KIAA1549: variants seen among roughly 807,000 people sequenced by gnomAD.
KIAA1549 encodes the protein UPF0606 protein KIAA1549.
Under a neutral mutation model 156.4 loss-of-function variants are expected in KIAA1549, and 70 were observed. That is an observed-to-expected ratio of 0.45 (90% confidence interval 0.37 to 0.55). The LOEUF (loss-of-function observed/expected upper bound fraction) is 0.55, where lower values mean the gene tolerates loss of function less well. KIAA1549 is among the 20% of genes least tolerant of loss of function. KIAA1549 has a pLI of 0.00. For synonymous variants in KIAA1549, 1,103 were observed against 1,066.4 expected (o/e 1.03, Z -0.67); for missense variants, 2,428 against 2,540.9 (o/e 0.96, Z 0.96).
intron 1 of KIAA1549, among the ~76,000 whole-genome samples, chr7:138,940,481 G>A (rs1471744713): frequency 1.3e-5 from 2 of 150,860 alleles, no homozygotes; most frequent in Admixed American, 1.3e-4. Context: ...ACATACGTGT[G>A]CATGTGTCTT....
intron 1 of KIAA1549, among the ~76,000 whole-genome samples, chr7:138,928,517 C>T (rs1452892624): frequency 6.6e-6 from 1 of 152,020 alleles, no homozygotes; most frequent in Non-Finnish European, 1.5e-5. Context: ...AAACTCCTGA[C>T]CTCAGGTGAT....
intron 1 of KIAA1549, among the ~76,000 whole-genome samples, chr7:138,962,020 G>A (rs1046105584): frequency 6.6e-6 from 1 of 151,970 alleles, no homozygotes; most frequent in Admixed American, 6.6e-5. Context: ...TGGAAGAGGC[G>A]CCATTCTCCC....
intron 1 of KIAA1549, among the ~76,000 whole-genome samples, chr7:138,959,166 C>A (rs1813761705): frequency 6.6e-6 from 1 of 152,198 alleles, no homozygotes; most frequent in African/African-American, 2.4e-5. Flanking sequence ...TCCCAAAGTG[C>A]TGAGACAAAA....
chr7:138,960,753 G>T (rs1448086270), intron 1 of KIAA1549, among the ~76,000 whole-genome samples: 1 of 151,640 alleles, frequency 6.6e-6, no homozygotes, highest in Non-Finnish European at 1.5e-5. Flanking sequence ...GAGTAAAACT[G>T]CTCTCTCCAT....
At chr7:138,965,101 A>G (rs1036784712) in intron 1 of KIAA1549, among the ~76,000 whole-genome samples, 1 of 151,846 alleles carries the variant, frequency 6.6e-6, no homozygotes, top group Non-Finnish European at 1.5e-5. Flanking sequence ...AGGCAGGAGC[A>G]GAGGAATTAC....
chr7:138,840,452 C>T (rs1485280928), intron 18 of KIAA1549, among the ~76,000 whole-genome samples, 174 bp from the exon 19 acceptor site: 2 of 151,998 alleles, frequency 1.3e-5, no homozygotes, highest in African/African-American at 4.8e-5. Flanking sequence ...GCCATACTGT[C>T]AGCATTTCCT....
intron 17 of KIAA1549, among the ~76,000 whole-genome samples, chr7:138,847,662 A>G (rs1190288906): frequency 3.9e-5 from 6 of 152,190 alleles, no homozygotes; most frequent in Admixed American, 6.5e-5. Context: ...GTAATGCACA[A>G]TATTTAGAAT....
intron 1 of KIAA1549, among the ~76,000 whole-genome samples, chr7:138,933,246 G>A (rs1314636845): frequency 6.6e-6 from 1 of 152,220 alleles, no homozygotes; most frequent in Admixed American, 6.5e-5. Context: ...TGAGATGAGA[G>A]AGAAGAATCA....
intron 1 of KIAA1549, among the ~76,000 whole-genome samples, chr7:138,938,717 T>A (rs1813088709): frequency 6.6e-6 from 1 of 152,262 alleles, no homozygotes; most frequent in Non-Finnish European, 1.5e-5. Context: ...ATAAATTGTT[T>A]AAATGCTGCC....
At chr7:138,885,140 A>G (rs1487457911) in intron 10 of KIAA1549, among the ~76,000 whole-genome samples, 2 of 152,204 alleles carry the variant, frequency 1.3e-5, no homozygotes, top group Non-Finnish European at 2.9e-5. Flanking sequence ...GGTTGTGGTG[A>G]GCTGAGATCG....
At position 138,955,721 on chromosome 7, in the gene KIAA1549, A is replaced by G. The variant is rs1006148932; in HGVS notation, c.187+25362T>C. Among the ~76,000 whole-genome samples, 17 of 152,380 alleles carry G rather than the reference A, an allele frequency of 1.1e-4. No homozygotes were observed. The South Asian group carries it at 2.7e-3, about 24-fold the overall frequency. On this transcript the variant is annotated intron_variant, in intron 1 of 19. Coordinates refer to ENST00000422774, the MANE Select transcript of KIAA1549 (RefSeq NM_001164665.2). ...GGAAGATGCATATCAAACTGTTTAT[A>G]TAATAGTTATTGTTAGGTGGCAGAA...
intron 17 of KIAA1549, among the ~76,000 whole-genome samples, chr7:138,850,718 G>A (rs1810210705): frequency 6.6e-6 from 1 of 152,166 alleles, no homozygotes; most frequent in Non-Finnish European, 1.5e-5. Context: ...GATCCCATAT[G>A]TCAATTTTTG....
chr7:138,917,866 C>A lies in KIAA1549; in HGVS notation c.1760G>T (p.Ser587Ile). ...AACCAGACTATAAGGCGTAAAAACACTCGGGTCTCTGACGGCAAGCGACGG... is the reference window on the plus strand; with the variant it reads ...AACCAGACTATAAGGCGTAAAAACAATCGGGTCTCTGACGGCAAGCGACGG... ...NTPSLAVRDP[S>I]VFTPYSLVPS... The change falls in exon 2 of 20, where the codon AGT (serine) becomes ATT (isoleucine). Residue 587 changes from serine to isoleucine, a missense_variant. Coordinates refer to ENST00000422774, the MANE Select transcript of KIAA1549 (RefSeq NM_001164665.2). 1 of 1,604,718 alleles carries A rather than the reference C, an allele frequency of 6.2e-7. No homozygotes were observed. The highest frequency in any genetic ancestry group is 1.3e-5 in the African/African-American group (1 of 74,830).
intron 9 of KIAA1549, among the ~76,000 whole-genome samples, chr7:138,895,142 C>G (rs184778135): frequency 6.6e-6 from 1 of 152,308 alleles, no homozygotes; most frequent in East Asian, 1.9e-4. Flanking sequence ...CATGAACAAG[C>G]GAAATCCCTT....
At chr7:138,878,218 G>A (rs1211340751) in intron 12 of KIAA1549, among the ~76,000 whole-genome samples, 1 of 152,204 alleles carries the variant, frequency 6.6e-6, no homozygotes, top group Non-Finnish European at 1.5e-5. Flanking sequence ...AGCCCCACAG[G>A]AGCCTTGAAG....
At chr7:138,946,770 T>C (rs919871734) in intron 1 of KIAA1549, among the ~76,000 whole-genome samples, 2 of 152,158 alleles carry the variant, frequency 1.3e-5, no homozygotes, top group Middle Eastern at 3.2e-3. Flanking sequence ...TGGAGGCATC[T>C]AGAGACCCCC....
intron 10 of KIAA1549, 136 bp from the exon 11 acceptor site, chr7:138,881,720 C>T (rs1287467601): frequency 2.8e-6 from 2 of 722,148 alleles, no homozygotes; most frequent in Non-Finnish European, 4.5e-6. Context: ...ACATGGACTG[C>T]ATGCCAGGTT....
chr7:138,940,612 C>T (rs891004904), intron 1 of KIAA1549, among the ~76,000 whole-genome samples: 7 of 151,960 alleles, frequency 4.6e-5, no homozygotes, highest in Admixed American at 2.0e-4. Flanking sequence ...AATGGTTGAA[C>T]TAGTTTACAG....
At chr7:138,855,009 A>G (rs1563050369) in intron 16 of KIAA1549, among the ~76,000 whole-genome samples, 2 of 152,246 alleles carry the variant, frequency 1.3e-5, no homozygotes, top group African/African-American at 4.8e-5. Context: ...AGATTCTGGC[A>G]GCACGATGTG....
Sources: allele counts gnomAD v4.1 joint callset (sites outside exome capture counted in the v4.1 genomes callset), GRCh38; gene constraint gnomAD v4.1.1; transcripts MANE v1.5; gene names NCBI Gene and HGNC (gene_info 2026-07-23, HGNC 2026-07-21).